SEC23B: variants seen among roughly 807,000 people sequenced by gnomAD.
The protein encoded by SEC23B is protein transport protein Sec23B.
A neutral mutation model predicts 104.3 loss-of-function variants in SEC23B; 77 were observed. That is an observed-to-expected ratio of 0.74 (90% CI 0.61 to 0.89). SEC23B has a LOEUF of 0.89. SEC23B is among the 40% of genes least tolerant of loss of function. The probability of loss-of-function intolerance (pLI) is 0.00; values close to 1 mark genes in which losing one functional copy is unlikely to be tolerated. For missense variants in SEC23B, 885 were observed against 949.4 expected (o/e 0.93, Z 0.89); for synonymous variants, 338 against 332.5 (o/e 1.02, Z -0.18).
chr20:18,551,394 A>G (rs1002881401), intron 17 of SEC23B, among the ~76,000 whole-genome samples: 1 of 152,114 alleles, frequency 6.6e-6, no homozygotes, highest in African/African-American at 2.4e-5. Flanking sequence ...GAGTATTTGT[A>G]TATTTATTAA....
At chr20:18,534,355 C>T (rs1440541325) in intron 11 of SEC23B, among the ~76,000 whole-genome samples, 1 of 152,002 alleles carries the variant, frequency 6.6e-6, no homozygotes, top group Non-Finnish European at 1.5e-5. Flanking sequence ...CTGTTTTTAC[C>T]CCAACTGGCA....
At chr20:18,542,025 A>C (rs2060291803) in intron 12 of SEC23B, among the ~76,000 whole-genome samples, 2 of 152,216 alleles carry the variant, frequency 1.3e-5, no homozygotes. Context: ...GCTGCATTTC[A>C]AAACAAGCCT....
chr20:18,557,374 A>G (rs1448137425), intron 19 of SEC23B, among the ~76,000 whole-genome samples: 5 of 152,112 alleles, frequency 3.3e-5, no homozygotes, highest in Non-Finnish European at 7.4e-5. Context: ...TCCTGAGGTC[A>G]AGCGATCCTC....
intron 8 of SEC23B, among the ~76,000 whole-genome samples, chr20:18,527,014 G>A (rs1435710353): frequency 6.6e-6 from 1 of 152,206 alleles, no homozygotes; most frequent in Admixed American, 6.5e-5. Flanking sequence ...TCAGGAGTTC[G>A]AGACGAGTCT....
At chr20:18,537,633 G>C (rs2060247137) in intron 12 of SEC23B, among the ~76,000 whole-genome samples, 1 of 152,078 alleles carries the variant, frequency 6.6e-6, no homozygotes, top group Non-Finnish European at 1.5e-5. Context: ...TATAACTAAT[G>C]CTAAATGATG....
intron 12 of SEC23B, among the ~76,000 whole-genome samples, chr20:18,537,223 A>G (rs530132916): frequency 9.9e-5 from 15 of 151,674 alleles, no homozygotes; most frequent in East Asian, 9.7e-4. Flanking sequence ...CATTTGACCC[A>G]GCCATCCCAT....
chr20:18,523,156 G>C (rs1297538412), intron 4 of SEC23B, among the ~76,000 whole-genome samples: 1 of 151,956 alleles, frequency 6.6e-6, no homozygotes, highest in Non-Finnish European at 1.5e-5. Flanking sequence ...GTAAAAGACA[G>C]TTTTCAAAGC....
At chr20:18,557,157 C>T (rs2060447230) in intron 19 of SEC23B, among the ~76,000 whole-genome samples, 1 of 151,996 alleles carries the variant, frequency 6.6e-6, no homozygotes, top group South Asian at 2.1e-4. Flanking sequence ...TTTTTGTTTT[C>T]TGCTTTTCTT....
chr20:18,532,602 A>T, intron 10 of SEC23B, 62 bp from the exon 11 acceptor site: 1 of 1,161,010 alleles, frequency 8.6e-7, no homozygotes, highest in Non-Finnish European at 1.3e-6. Flanking sequence ...CATTGTGGCC[A>T]TGATGACAGC....
upstream of SEC23B, chr20:18,507,760 A>C (rs1397613594): frequency 6.6e-6 from 1 of 152,274 alleles, no homozygotes; most frequent in East Asian, 1.9e-4. Context: ...TGCGACATAC[A>C]CCTGTCTTGC....
intron 4 of SEC23B, among the ~76,000 whole-genome samples, chr20:18,521,228 T>C (rs1028913481): frequency 1.3e-5 from 2 of 152,182 alleles, no homozygotes; most frequent in Non-Finnish European, 2.9e-5. Flanking sequence ...ATTGTACACC[T>C]TGAAGGCGAG....
intron 16 of SEC23B, among the ~76,000 whole-genome samples, chr20:18,549,030 T>C (rs900680233): frequency 6.6e-6 from 1 of 152,128 alleles, no homozygotes; most frequent in Admixed American, 6.5e-5. Context: ...GCTTGTATAC[T>C]TACATCCAAC....
In SEC23B at chr20:18,537,460, AATC is replaced by A. The variant is rs553768228; in HGVS notation, c.1404+1724_1404+1726del. Among the ~76,000 whole-genome samples the A allele has an allele frequency of 1.4e-4, 21 of 152,136 alleles. No individual in the cohort carries two copies. In the East Asian group the frequency reaches 4.1e-3, roughly 29 times the overall value. The stretch of plus-strand genomic sequence containing the variant: ...TTGTAGGGACATGGATGAAATTGGA[AATC>A]ATCATTCTCAGTAAACTATCGCAAG... On this transcript the variant is annotated intron_variant, in intron 12 of 19. Transcript: ENST00000650089.
chr20:18,546,068 C>A, intron 15 of SEC23B, 35 bp downstream of exon 15: 1 of 1,139,566 alleles, frequency 8.8e-7, no homozygotes, highest in Non-Finnish European at 1.3e-6. Flanking sequence ...AACTACAGAG[C>A]AATAAATTTT....
chr20:18,520,069 T>A (rs969142618), intron 4 of SEC23B, among the ~76,000 whole-genome samples: 4 of 152,070 alleles, frequency 2.6e-5, no homozygotes, highest in Non-Finnish European at 5.9e-5. Context: ...AAAGGAATAG[T>A]AAAGAAAGCA....
chr20:18,516,248 C>CTTT (rs71194246), intron 4 of SEC23B, among the ~76,000 whole-genome samples: 2,164 of 139,026 alleles, frequency 0.016, 37 homozygotes, highest in African/African-American at 0.04. Flanking sequence ...CACAGTAATT[C>CTTT]TTTTTTTTTT....
rs115383613 is a variant in SEC23B at position 18,532,648 on chromosome 20, C to G, written c.1234-16C>G. 2 of 1,587,404 alleles carry G rather than the reference C, an allele frequency of 1.3e-6. No individual in the cohort carries two copies. Among genetic ancestry groups the G allele is most frequent in the South Asian group, 2.2e-5 (2 of 90,602 alleles). On this transcript the variant is annotated splice_polypyrimidine_tract_variant and intron_variant, in intron 10 of 19. Transcript: ENST00000650089. ...GAAGTGATCTTTAACTTTACACTGT[C>G]ACATATTTGTTATAGACCTCTCGGG...
chr20:18,518,079 T>C (rs1167272497), intron 4 of SEC23B, among the ~76,000 whole-genome samples: 1 of 152,150 alleles, frequency 6.6e-6, no homozygotes, highest in Non-Finnish European at 1.5e-5. Flanking sequence ...TTGAGGATGG[T>C]AAGGGGTATG....
intron 10 of SEC23B, among the ~76,000 whole-genome samples, chr20:18,532,401 C>T (rs2060195391): frequency 6.6e-6 from 1 of 152,196 alleles, no homozygotes; most frequent in Admixed American, 6.5e-5. Context: ...TCTACATGTA[C>T]AGTAATTTCC....
Sources: allele counts gnomAD v4.1 joint callset (sites outside exome capture counted in the v4.1 genomes callset), GRCh38; gene constraint gnomAD v4.1.1; transcripts MANE v1.5; gene names NCBI Gene and HGNC (gene_info 2026-07-23, HGNC 2026-07-21).